The following ST8SIA1 variants were observed in gnomAD, a reference collection of about 807,000 sequenced individuals.
ST8SIA1 encodes ST8 alpha-N-acetyl-neuraminide alpha-2,8-sialyltransferase 1, also known as alpha-N-acetylneuraminide alpha-2,8-sialyltransferase.
Under a neutral mutation model 35.9 loss-of-function variants are expected in ST8SIA1, and 16 were observed. The observed-to-expected ratio is 0.45, with a 90% confidence interval of 0.30 to 0.68. The LOEUF (loss-of-function observed/expected upper bound fraction) is 0.68, where lower values mean the gene tolerates loss of function less well. Ranked by LOEUF, ST8SIA1 falls within the 30% of genes least tolerant of loss-of-function variation. The pLI, the probability that ST8SIA1 is intolerant of heterozygous loss-of-function variation, is 0.09. For synonymous variants in ST8SIA1, 170 were observed against 169.6 expected (o/e 1.00, Z -0.02); for missense variants, 383 against 453.6 (o/e 0.84, Z 1.41).
At chr12:22,234,638 C>A (rs1865456260) in intron 4 of ST8SIA1, among the ~76,000 whole-genome samples, 1 of 152,116 alleles carries the variant, frequency 6.6e-6, no homozygotes, top group Non-Finnish European at 1.5e-5. Context: ...GATATTCAAT[C>A]TTTTTGGAGA....
At chr12:22,255,686 T>TA (rs5796957) in intron 2 of ST8SIA1, among the ~76,000 whole-genome samples, 86,668 of 150,464 alleles carry the variant, frequency 0.58, 25,573 homozygotes, top group Middle Eastern at 0.75. Context: ...TAGGGAAAAT[T>TA]AAAAAAAAAA....
intron 2 of ST8SIA1, among the ~76,000 whole-genome samples, chr12:22,279,495 G>C (rs749820853): frequency 1.3e-5 from 2 of 152,114 alleles, no homozygotes; most frequent in Non-Finnish European, 2.9e-5. Flanking sequence ...GAAGTCAGAG[G>C]CTCTGGCTTC....
intron 2 of ST8SIA1, among the ~76,000 whole-genome samples, chr12:22,274,045 G>C (rs1187160733): frequency 9.9e-5 from 15 of 152,186 alleles, no homozygotes; most frequent in Admixed American, 9.8e-4. Context: ...GGAGGCAACA[G>C]TCTTCCAGGA....
At chr12:22,230,755 G>C (rs1471588618) in intron 4 of ST8SIA1, among the ~76,000 whole-genome samples, 2 of 152,148 alleles carry the variant, frequency 1.3e-5, no homozygotes, top group Non-Finnish European at 2.9e-5. Flanking sequence ...ATTGAGTTGA[G>C]AAGATCTGAA....
At chr12:22,245,225 C>G (rs1335574944) in intron 4 of ST8SIA1, among the ~76,000 whole-genome samples, 1 of 152,154 alleles carries the variant, frequency 6.6e-6, no homozygotes, top group East Asian at 1.9e-4. Context: ...TTTGGGTAGA[C>G]CTGGTGCCTT....
intron 4 of ST8SIA1, among the ~76,000 whole-genome samples, chr12:22,247,107 C>T (rs1008324801): frequency 6.9e-6 from 1 of 145,306 alleles, no homozygotes; most frequent in African/African-American, 2.6e-5. Context: ...CTCCCTCCCT[C>T]GTCTCTTTCC....
chr12:22,302,665 A>G (rs985714394), intron 1 of ST8SIA1, among the ~76,000 whole-genome samples: 1 of 152,172 alleles, frequency 6.6e-6, no homozygotes, highest in African/African-American at 2.4e-5. Context: ...AAGGGGGAAA[A>G]TGTCAAAGGA....
At chr12:22,248,201 C>T (rs1249129651) in intron 4 of ST8SIA1, among the ~76,000 whole-genome samples, 2 of 152,170 alleles carry the variant, frequency 1.3e-5, no homozygotes, top group East Asian at 3.8e-4. Context: ...ATGCTGATCA[C>T]TTGGACGGGA....
At chr12:22,269,815 C>T (rs1336179300) in intron 2 of ST8SIA1, among the ~76,000 whole-genome samples, 1 of 152,144 alleles carries the variant, frequency 6.6e-6, no homozygotes, top group Admixed American at 6.5e-5. Flanking sequence ...CCATCACTAA[C>T]CCATTCCATA....
At chr12:22,294,580 G>A (rs1866220661) in intron 1 of ST8SIA1, among the ~76,000 whole-genome samples, 1 of 152,182 alleles carries the variant, frequency 6.6e-6, no homozygotes, top group Admixed American at 6.5e-5. Context: ...ACTTAAGCCA[G>A]AAAGTAATCT....
intron 4 of ST8SIA1, among the ~76,000 whole-genome samples, chr12:22,235,726 G>T: frequency 6.6e-6 from 1 of 152,294 alleles, no homozygotes; most frequent in African/African-American, 2.4e-5. Flanking sequence ...TTGTCTGTAC[G>T]TTCCAAAAGG....
chr12:22,202,083 G>T lies in ST8SIA1; in HGVS notation c.585-45C>A, dbSNP rs779822007. The T allele has an allele frequency of 4.6e-6, 7 of 1,514,168 alleles. No homozygotes were observed. The Admixed American group carries it at 1.6e-4, about 34-fold the overall frequency. The allele number at this position is 1,514,168 out of a possible 1,614,324, so 93.8% of individuals were successfully genotyped here. A position where few individuals can be genotyped will look rare whatever the true frequency, so the allele number is the denominator to read the frequency against. ...CTGTTCAATTAAACCTAGAGAAAAA[G>T]AAACTCACCAAAACCCACTCTGTTG... On this transcript the variant is annotated intron_variant, in intron 4 of 4. Coordinates refer to ENST00000396037, the MANE Select transcript of ST8SIA1 (RefSeq NM_003034.4).
intron 4 of ST8SIA1, 33 bp downstream of exon 4, chr12:22,248,973 C>T (rs771519684): frequency 5.4e-5 from 81 of 1,500,028 alleles, no homozygotes; most frequent in East Asian, 1.6e-4. Flanking sequence ...ACTTCATCTT[C>T]GTTCGTCACA....
chr12:22,302,950 ATGTCT>A (rs1866335730), intron 1 of ST8SIA1, among the ~76,000 whole-genome samples: 1 of 152,054 alleles, frequency 6.6e-6, no homozygotes, highest in African/African-American at 2.4e-5. Context: ...ATATCAATGG[ATGTCT>A]TATGTCTCCC....
In ST8SIA1 at chr12:22,199,804, T is replaced by C. The variant is rs1384514821; in HGVS notation, c.*1748A>G. ...TTGTTTACGTGGTAACATGGTATGC[T>C]GAGTTTTTACTGTTAAAATTAAACT... On this transcript the variant is annotated 3_prime_UTR_variant, in exon 5 of 5. Coordinates refer to ENST00000396037, the MANE Select transcript of ST8SIA1 (RefSeq NM_003034.4). 6.6e-6 allele frequency: 1 copy of C among 152,236 alleles called. No individual in the cohort carries two copies. The highest frequency in any genetic ancestry group is 2.4e-5 in the African/African-American group (1 of 41,464). The allele number at this position is 152,236 out of a possible 1,614,324, so 9.4% of individuals were successfully genotyped here.
At chr12:22,243,887 C>T (rs1397967518) in intron 4 of ST8SIA1, among the ~76,000 whole-genome samples, 2 of 151,984 alleles carry the variant, frequency 1.3e-5, no homozygotes, top group Admixed American at 6.6e-5. Flanking sequence ...CAAAATCACC[C>T]GGGTGTGGTG....
chr12:22,302,447 T>C (rs1420474782), intron 1 of ST8SIA1, among the ~76,000 whole-genome samples: 1 of 152,176 alleles, frequency 6.6e-6, no homozygotes, highest in Non-Finnish European at 1.5e-5. Flanking sequence ...TCCAGGATTG[T>C]TCTTTTGTTA....
intron 2 of ST8SIA1, among the ~76,000 whole-genome samples, chr12:22,263,071 T>G (rs538286571): frequency 6.6e-6 from 1 of 152,206 alleles, no homozygotes; most frequent in Non-Finnish European, 1.5e-5. Context: ...ACCTAAGGCC[T>G]GAACAGATAT....
Position 22,325,271 on chromosome 12 carries a change from G to A in ST8SIA1, c.236+8726C>T, listed in dbSNP as rs1054525757. 20 of 570,826 alleles carry A rather than the reference G, an allele frequency of 3.5e-5. No individual in the cohort carries two copies. In the East Asian group the frequency reaches 5.9e-4, roughly 17 times the overall value. The allele number at this position is 570,826 out of a possible 1,614,324, so 35.4% of individuals were successfully genotyped here. Reference sequence around the variant, plus strand: ...ACTAAAGATTTTGCATCCCAGGCAAGATGTAGTGGGACGAAAGGCCCTTTT... The same window carrying A: ...ACTAAAGATTTTGCATCCCAGGCAAAATGTAGTGGGACGAAAGGCCCTTTT... On this transcript the variant is annotated intron_variant, in intron 1 of 4. Coordinates refer to ENST00000396037, the MANE Select transcript of ST8SIA1 (RefSeq NM_003034.4).
Sources: gnomAD v4.1 joint callset for allele counts (sites outside exome capture counted in the v4.1 genomes callset) on GRCh38, gnomAD v4.1.1 for gene constraint, MANE v1.5 for transcripts, NCBI Gene and HGNC (gene_info 2026-07-23, HGNC 2026-07-21) for gene names.